Variants in KLF7 observed in about 807,000 individuals in gnomAD.
KLF7 encodes Krueppel-like factor 7.
In KLF7, 2 loss-of-function variants were observed where a neutral mutation model predicts 27.3. That is an observed-to-expected ratio of 0.07 (90% CI 0.03 to 0.23). KLF7 has a LOEUF of 0.23. Among genes scored for constraint, KLF7 ranks in the 10% least tolerant of loss-of-function variants. KLF7 has a pLI of 1.00. For missense variants in KLF7, 221 were observed against 394.1 expected, an observed-to-expected ratio of 0.56 and a Z score of 3.72; for synonymous variants, 165 against 162.4, an observed-to-expected ratio of 1.02 and a Z score of -0.12.
rs1490013183 is a variant in KLF7 at position 207,075,610 on chromosome 2, AAAGAAAAGTTT to A, written c.*5592_*5602del. The A allele has an allele frequency of 6.6e-6, 1 of 152,072 alleles. No homozygotes were observed. Among genetic ancestry groups the A allele is most frequent in the Non-Finnish European group, 1.5e-5 (1 of 68,010 alleles). 9.4% of individuals were successfully genotyped at this position (152,072 alleles called of 1,614,324 possible). A position where few individuals can be genotyped will look rare whatever the true frequency, so the allele number is the denominator to read the frequency against. On this transcript the variant is annotated 3_prime_UTR_variant, in exon 4 of 4. Transcript: ENST00000309446. Reference sequence around the variant, plus strand: ...CTGTTAAGAGGATAATAGAGATTTGAAAGAAAAGTTTCAGTGGCTGGGAAGTTGTGTGGGAG... The same window carrying A: ...CTGTTAAGAGGATAATAGAGATTTGACAGTGGCTGGGAAGTTGTGTGGGAG...
intron 1 of KLF7, among the ~76,000 whole-genome samples, chr2:207,147,599 G>T (rs1172687589): frequency 2.6e-5 from 4 of 152,086 alleles, no homozygotes; most frequent in African/African-American, 7.2e-5. Context: ...GAGTCTGAAG[G>T]CTTCTATCCC....
chr2:207,144,184 C>T (rs573160982), intron 1 of KLF7, among the ~76,000 whole-genome samples: 3 of 148,022 alleles, frequency 2.0e-5, no homozygotes, highest in African/African-American at 7.6e-5. Context: ...AAAAAAAAAG[C>T]ATAGCTAGAC....
chr2:207,158,840 A>G (rs2078461514), intron 1 of KLF7, among the ~76,000 whole-genome samples: 1 of 152,194 alleles, frequency 6.6e-6, no homozygotes, highest in Admixed American at 6.5e-5. Flanking sequence ...TGAAGGCAAA[A>G]AAGAAAGAGA....
chr2:207,133,712 C>T (rs914708622), intron 1 of KLF7, among the ~76,000 whole-genome samples: 4 of 152,170 alleles, frequency 2.6e-5, no homozygotes, highest in Admixed American at 1.3e-4. Flanking sequence ...CACCAGCTGG[C>T]CATGTCTTGC....
rs561690307 is a variant in KLF7 at position 207,147,609 on chromosome 2, C to T, written c.102+17858G>A. On this transcript the variant is annotated intron_variant, in intron 1 of 3. Coordinates refer to ENST00000309446, the MANE Select transcript of KLF7 (RefSeq NM_003709.4). The stretch of plus-strand genomic sequence containing the variant: ...CGGAGGAGTCTGAAGGCTTCTATCC[C>T]CCACTCCACCCTCTGCCATGGCTCC... 6.6e-5 allele frequency among the ~76,000 whole-genome samples: 10 copies of T among 152,276 alleles called. No homozygotes were observed. In the East Asian group the frequency reaches 1.7e-3, roughly 26 times the overall value.
chr2:207,105,797 A>AG lies in KLF7; in HGVS notation c.734-17217dup, dbSNP rs1364677838. ...GGGACTGAGAGAACAGGCAGTGGCC[A>AG]GACTGTGAAAGGACTTAAACAGACC... On this transcript the variant is annotated intron_variant, in intron 2 of 3. Coordinates refer to ENST00000309446, the MANE Select transcript of KLF7 (RefSeq NM_003709.4). Among the ~76,000 whole-genome samples the AG allele has an allele frequency of 3.0e-4, 46 of 152,308 alleles. 1 individual carries two copies. The highest frequency in any genetic ancestry group is 8.9e-4 in the African/African-American group (37 of 41,570).
At chr2:207,150,700 C>T (rs2078218886) in intron 1 of KLF7, among the ~76,000 whole-genome samples, 1 of 152,052 alleles carries the variant, frequency 6.6e-6, no homozygotes. Flanking sequence ...GATGCCAAAT[C>T]CCTTGAATTT....
intron 3 of KLF7, among the ~76,000 whole-genome samples, chr2:207,086,716 G>A (rs928727444): frequency 1.3e-5 from 2 of 152,220 alleles, no homozygotes; most frequent in African/African-American, 4.8e-5. Context: ...TAAGTCAGTT[G>A]ATTTGAAGAG....
intron 1 of KLF7, among the ~76,000 whole-genome samples, chr2:207,161,480 T>C (rs142575193): frequency 6.6e-6 from 1 of 152,348 alleles, no homozygotes; most frequent in East Asian, 1.9e-4. Context: ...AATTGGGGAC[T>C]GAGGCAAACC....
chr2:207,086,366 G>A (rs2076389250), intron 3 of KLF7, among the ~76,000 whole-genome samples: 3 of 152,142 alleles, frequency 2.0e-5, no homozygotes, highest in South Asian at 4.1e-4. Flanking sequence ...TAATTGAAAC[G>A]CCAAGGTGCT....
At chr2:207,094,296 G>T (rs1278476276) in intron 2 of KLF7, among the ~76,000 whole-genome samples, 2 of 152,132 alleles carry the variant, frequency 1.3e-5, no homozygotes, top group East Asian at 1.9e-4. Context: ...GTTCTAAAGA[G>T]ATTAGGATTT....
intron 2 of KLF7, among the ~76,000 whole-genome samples, chr2:207,094,132 A>T (rs2076573868): frequency 6.6e-6 from 1 of 152,240 alleles, no homozygotes; most frequent in Non-Finnish European, 1.5e-5. Flanking sequence ...GTACTGTGCT[A>T]TAAATTTGCC....
At chr2:207,150,665 G>C (rs2078217993) in intron 1 of KLF7, among the ~76,000 whole-genome samples, 1 of 152,154 alleles carries the variant, frequency 6.6e-6, no homozygotes, top group African/African-American at 2.4e-5. Context: ...TACTGATAAA[G>C]TCAGGACTAA....
At chr2:207,091,010 A>C (rs1212830514) in intron 2 of KLF7, among the ~76,000 whole-genome samples, 1 of 152,168 alleles carries the variant, frequency 6.6e-6, no homozygotes, top group South Asian at 2.1e-4. Context: ...CACACTTCCA[A>C]TGCAATGAGG....
intron 1 of KLF7, among the ~76,000 whole-genome samples, chr2:207,127,272 A>G (rs1049210844): frequency 1.5e-4 from 23 of 152,202 alleles, no homozygotes; most frequent in African/African-American, 5.5e-4. Context: ...ATAAGTACCC[A>G]TCGGGATGTG....
upstream of KLF7, among the ~76,000 whole-genome samples, chr2:207,169,210 A>G (rs74807152): frequency 3.9e-3 from 589 of 152,324 alleles, 4 homozygotes; most frequent in East Asian, 6.8e-3. Flanking sequence ...AATAATGTCA[A>G]TCTTTGGAAG....
intron 1 of KLF7, among the ~76,000 whole-genome samples, chr2:207,159,820 G>A (rs1479174832): frequency 6.6e-6 from 1 of 152,120 alleles, no homozygotes; most frequent in Non-Finnish European, 1.5e-5. Context: ...CTCGAATGGA[G>A]GGGGGATGGA....
chr2:207,102,663 C>T (rs1166651685), intron 2 of KLF7, among the ~76,000 whole-genome samples: 1 of 152,156 alleles, frequency 6.6e-6, no homozygotes, highest in Admixed American at 6.5e-5. Context: ...AATTTCAGAA[C>T]TCAAGTTTTC....
At chr2:207,095,234 G>C (rs1486774755) in intron 2 of KLF7, among the ~76,000 whole-genome samples, 1 of 151,780 alleles carries the variant, frequency 6.6e-6, no homozygotes, top group Non-Finnish European at 1.5e-5. Context: ...AATTTTAGTG[G>C]AGACAGGGTT....
Sources: allele counts gnomAD v4.1 joint callset (sites outside exome capture counted in the v4.1 genomes callset), GRCh38; gene constraint gnomAD v4.1.1; transcripts MANE v1.5; gene names NCBI Gene and HGNC (gene_info 2026-07-23, HGNC 2026-07-21).